Variants in ADCY2 observed in about 807,000 individuals in gnomAD.
The protein encoded by ADCY2 is adenylate cyclase 2.
ADCY2 carries 31 observed loss-of-function variants against 125.2 expected under a neutral mutation model. The observed-to-expected ratio is 0.25, with a 90% CI of 0.19 to 0.33. The LOEUF (loss-of-function observed/expected upper bound fraction) is 0.33. ADCY2 is among the 10% of genes least tolerant of loss of function. The pLI, the probability that ADCY2 is intolerant of heterozygous loss-of-function variation, is 1.00. For missense variants in ADCY2, 904 were observed against 1,418.2 expected (o/e 0.64, Z 5.82); for synonymous variants, 512 against 548.4 (o/e 0.93, Z 0.93).
At chr5:7,429,388 A>G (rs549857654) in intron 2 of ADCY2, among the ~76,000 whole-genome samples, 1 of 152,342 alleles carries the variant, frequency 6.6e-6, no homozygotes, top group African/African-American at 2.4e-5. Flanking sequence ...GATATAGGAG[A>G]TTTGAAAAGT....
intron 3 of ADCY2, among the ~76,000 whole-genome samples, chr5:7,542,292 G>T (rs1481386348): frequency 2.0e-5 from 3 of 151,974 alleles, no homozygotes; most frequent in Non-Finnish European, 4.4e-5. Context: ...GACTGGGGAT[G>T]AGTTTTATTT....
intron 2 of ADCY2, among the ~76,000 whole-genome samples, chr5:7,429,167 C>T (rs1353424332): frequency 2.0e-5 from 3 of 152,184 alleles, no homozygotes; most frequent in Non-Finnish European, 4.4e-5. Flanking sequence ...TTCTGGTACT[C>T]GCACAGGCCC....
intron 22 of ADCY2, among the ~76,000 whole-genome samples, chr5:7,810,056 C>T (rs1332627215): frequency 6.6e-6 from 1 of 152,228 alleles, no homozygotes; most frequent in African/African-American, 2.4e-5. Context: ...AGACCTCACT[C>T]TCTTCTAAGC....
At chr5:7,647,503 G>T (rs1371004161) in intron 4 of ADCY2, among the ~76,000 whole-genome samples, 4 of 152,098 alleles carry the variant, frequency 2.6e-5, no homozygotes, top group Non-Finnish European at 5.9e-5. Flanking sequence ...TGCTTTCCAT[G>T]ACCTGTGAAT....
At chr5:7,535,741 C>T (rs910754130) in intron 3 of ADCY2, among the ~76,000 whole-genome samples, 7 of 152,078 alleles carry the variant, frequency 4.6e-5, no homozygotes, top group Admixed American at 3.3e-4. Context: ...AATAAGAAAT[C>T]GGATATGCAA....
chr5:7,820,727 A>G (rs1007209618), intron 24 of ADCY2, 38 bp downstream of exon 24: 11 of 1,591,074 alleles, frequency 6.9e-6, no homozygotes, highest in Admixed American at 1.7e-5. Flanking sequence ...TGCATCAACC[A>G]TGTCTGTTCT....
At chr5:7,805,885 G>A (rs1744745265) in intron 22 of ADCY2, among the ~76,000 whole-genome samples, 2 of 152,170 alleles carry the variant, frequency 1.3e-5, no homozygotes, top group African/African-American at 4.8e-5. Flanking sequence ...GGAGTGATAT[G>A]TATTCCATTG....
At chr5:7,715,178 G>A (rs1741559275) in intron 11 of ADCY2, among the ~76,000 whole-genome samples, 1 of 152,184 alleles carries the variant, frequency 6.6e-6, no homozygotes, top group South Asian at 2.1e-4. Context: ...TGTATGTCAA[G>A]AATTATTGTC....
chr5:7,758,309 C>A (rs1470523218), intron 16 of ADCY2, among the ~76,000 whole-genome samples: 2 of 152,158 alleles, frequency 1.3e-5, no homozygotes, highest in Non-Finnish European at 2.9e-5. Flanking sequence ...TTATCTCCCC[C>A]ACAATAGACA....
At chr5:7,807,103 G>A (rs1173739959) in intron 22 of ADCY2, among the ~76,000 whole-genome samples, 4 of 152,044 alleles carry the variant, frequency 2.6e-5, no homozygotes, top group Admixed American at 1.3e-4. Context: ...GCAGGGCCTC[G>A]GAGTGGGAGA....
chr5:7,676,359 A>G (rs1740127316), intron 4 of ADCY2, among the ~76,000 whole-genome samples: 1 of 152,236 alleles, frequency 6.6e-6, no homozygotes, highest in Admixed American at 6.5e-5. Context: ...ACAGTCCCAG[A>G]TATTTCAATG....
chr5:7,719,975 G>A (rs1221378871), intron 12 of ADCY2, among the ~76,000 whole-genome samples: 2 of 151,774 alleles, frequency 1.3e-5, no homozygotes, highest in Non-Finnish European at 2.9e-5. Context: ...AGTAAGCATA[G>A]TATTCAGAAT....
chr5:7,630,699 C>T (rs940808179), intron 4 of ADCY2, among the ~76,000 whole-genome samples: 1 of 151,792 alleles, frequency 6.6e-6, no homozygotes, highest in African/African-American at 2.4e-5. Context: ...TGCTTGCATT[C>T]TTTGGCTCCT....
chr5:7,527,229 C>T (rs139663358), intron 3 of ADCY2, among the ~76,000 whole-genome samples: 2 of 152,326 alleles, frequency 1.3e-5, no homozygotes, highest in Non-Finnish European at 2.9e-5. Context: ...GCCTTCCAGC[C>T]AGGCTCAGTG....
intron 3 of ADCY2, among the ~76,000 whole-genome samples, chr5:7,532,199 A>G (rs77145437): frequency 0.022 from 3,336 of 152,348 alleles, 120 homozygotes; most frequent in African/African-American, 0.077. Context: ...ACGATTGCAG[A>G]TAGGTAAGGC....
At chr5:7,738,584 A>G (rs1036315977) in intron 14 of ADCY2, among the ~76,000 whole-genome samples, 7 of 152,018 alleles carry the variant, frequency 4.6e-5, no homozygotes, top group African/African-American at 1.2e-4. Flanking sequence ...TAAATGGGAA[A>G]GGACTAAATA....
At chr5:7,449,601 A>G (rs939060923) in intron 2 of ADCY2, among the ~76,000 whole-genome samples, 5 of 152,258 alleles carry the variant, frequency 3.3e-5, no homozygotes, top group Non-Finnish European at 5.9e-5. Flanking sequence ...ATTGTAATAC[A>G]TAATGACTCA....
chr5:7,769,949 G>T (rs1430282953), intron 17 of ADCY2, among the ~76,000 whole-genome samples: 2 of 152,116 alleles, frequency 1.3e-5, no homozygotes, highest in Non-Finnish European at 2.9e-5. Context: ...TGCCAGAATC[G>T]CTGACTATCT....
intron 3 of ADCY2, among the ~76,000 whole-genome samples, chr5:7,557,476 TA>T (rs1349707008): frequency 6.6e-5 from 10 of 152,076 alleles, no homozygotes; most frequent in African/African-American, 2.4e-4. Context: ...ATCACCCAGG[TA>T]TTAAGCCTAG....
Sources: allele counts gnomAD v4.1 joint callset (sites outside exome capture counted in the v4.1 genomes callset), GRCh38; gene constraint gnomAD v4.1.1; transcripts MANE v1.5; gene names NCBI Gene and HGNC (gene_info 2026-07-23, HGNC 2026-07-21).